Variants in SAMMSON observed in about 807,000 individuals in gnomAD.
The protein encoded by SAMMSON is survival associated mitochondrial melanoma specific oncogenic non-coding RNA.
At chr3:70,080,941 C>G (rs2067265724) in intron 4 of SAMMSON, among the ~76,000 whole-genome samples, 1 of 152,110 alleles carries the variant, frequency 6.6e-6, no homozygotes, top group South Asian at 2.1e-4. Context: ...CCATGTGCAG[C>G]CCAGGGAGGT....
At chr3:70,287,750 T>A (rs1702181663) in intron 6 of SAMMSON, among the ~76,000 whole-genome samples, 1 of 151,792 alleles carries the variant, frequency 6.6e-6, no homozygotes, top group Non-Finnish European at 1.5e-5. Context: ...GTTATTGGTC[T>A]ATTCAGAGAT....
At chr3:70,269,251 C>A (rs1191069645) in intron 6 of SAMMSON, among the ~76,000 whole-genome samples, 3 of 152,086 alleles carry the variant, frequency 2.0e-5, no homozygotes, top group Non-Finnish European at 2.9e-5. Flanking sequence ...CATAAAAGAA[C>A]CAATAAATTC....
intron 4 of SAMMSON, chr3:70,204,539 AG>A (rs1701272558): frequency 1.3e-5 from 2 of 152,186 alleles, no homozygotes; most frequent in African/African-American, 4.8e-5. Context: ...GAAAAGGACA[AG>A]TGGACTATCA....
At chr3:70,052,562 G>A (rs553401395) in intron 3 of SAMMSON, among the ~76,000 whole-genome samples, 12 of 152,168 alleles carry the variant, frequency 7.9e-5, no homozygotes, top group African/African-American at 1.9e-4. Flanking sequence ...TGAGATTTGG[G>A]GAATGCCATT....
chr3:70,214,704 T>A (rs758580419), intron 4 of SAMMSON, among the ~76,000 whole-genome samples: 1 of 151,978 alleles, frequency 6.6e-6, no homozygotes, highest in Non-Finnish European at 1.5e-5. Flanking sequence ...CTAAGTGATG[T>A]ACTTTTATAG....
At chr3:70,139,631 CG>C (rs2067519466) in intron 4 of SAMMSON, among the ~76,000 whole-genome samples, 1 of 152,064 alleles carries the variant, frequency 6.6e-6, no homozygotes, top group Non-Finnish European at 1.5e-5. Context: ...TTGAGGAGTA[CG>C]GTTATGGAGT....
chr3:70,200,443 T>C (rs959251624), intron 4 of SAMMSON, among the ~76,000 whole-genome samples: 1 of 152,198 alleles, frequency 6.6e-6, no homozygotes, highest in Non-Finnish European at 1.5e-5. Context: ...TTGCAGTATT[T>C]GGAATGCACA....
intron 4 of SAMMSON, among the ~76,000 whole-genome samples, chr3:70,160,109 TAATG>T (rs2067608923): frequency 2.0e-5 from 3 of 152,094 alleles, no homozygotes. Context: ...TTTGTTTTCT[TAATG>T]AAGTCTACTG....
At chr3:70,219,709 A>G (rs17787105) in intron 4 of SAMMSON, among the ~76,000 whole-genome samples, 19,264 of 152,206 alleles carry the variant, frequency 0.13, 1,549 homozygotes, top group Non-Finnish European at 0.19. Flanking sequence ...TAAAATACAG[A>G]ATTGACACTG....
chr3:70,387,072 G>C (rs1343666380), intron 9 of SAMMSON, among the ~76,000 whole-genome samples: 1 of 151,922 alleles, frequency 6.6e-6, no homozygotes, highest in African/African-American at 2.4e-5. Context: ...AACAAGTAGG[G>C]GGACATGGCA....
chr3:70,221,505 A>G (rs753434907), intron 4 of SAMMSON, among the ~76,000 whole-genome samples: 1 of 152,040 alleles, frequency 6.6e-6, no homozygotes. Flanking sequence ...TGATATATGC[A>G]GGAGATACAA....
intron 4 of SAMMSON, among the ~76,000 whole-genome samples, chr3:70,114,468 C>T (rs2067402152): frequency 1.3e-5 from 2 of 152,132 alleles, no homozygotes. Context: ...TGCAAACAGG[C>T]AATAAAACAC....
At chr3:70,359,069 C>G (rs752418162) in intron 9 of SAMMSON, among the ~76,000 whole-genome samples, 1 of 151,962 alleles carries the variant, frequency 6.6e-6, no homozygotes, top group Non-Finnish European at 1.5e-5. Context: ...CACTCACACA[C>G]ACATACTCTG....
chr3:70,104,634 A>G (rs1230804960), intron 4 of SAMMSON, among the ~76,000 whole-genome samples: 1 of 152,176 alleles, frequency 6.6e-6, no homozygotes, highest in Non-Finnish European at 1.5e-5. Flanking sequence ...CCAGGAGCTT[A>G]AAACTATTTT....
intron 4 of SAMMSON, among the ~76,000 whole-genome samples, chr3:70,129,535 A>T (rs1347578106): frequency 6.6e-6 from 1 of 152,180 alleles, no homozygotes; most frequent in African/African-American, 2.4e-5. Flanking sequence ...AATAAGAGTA[A>T]TGAGGCCTAC....
chr3:70,150,839 T>C (rs190667017), intron 4 of SAMMSON, among the ~76,000 whole-genome samples: 2 of 152,088 alleles, frequency 1.3e-5, no homozygotes, highest in East Asian at 1.9e-4. Context: ...GGGAAAACAA[T>C]TGGCTAGCTG....
chr3:70,377,736 A>G (rs2106749803), intron 9 of SAMMSON, among the ~76,000 whole-genome samples: 1 of 152,220 alleles, frequency 6.6e-6, no homozygotes, highest in African/African-American at 2.4e-5. Context: ...TATGGCAGAA[A>G]AAGAATACTA....
intron 4 of SAMMSON, among the ~76,000 whole-genome samples, chr3:70,173,075 T>C (rs1700975158): frequency 6.6e-6 from 1 of 151,920 alleles, no homozygotes; most frequent in South Asian, 2.1e-4. Flanking sequence ...GGAGGACATG[T>C]AAATTATTGC....
chr3:70,271,338 G>C (rs1659565704), intron 6 of SAMMSON, among the ~76,000 whole-genome samples: 1 of 152,148 alleles, frequency 6.6e-6, no homozygotes, highest in African/African-American at 2.4e-5. Context: ...CAAATAAACT[G>C]TGTTGTGGCT....
Sources: allele counts gnomAD v4.1 joint callset (sites outside exome capture counted in the v4.1 genomes callset), GRCh38; gene constraint gnomAD v4.1.1; transcripts MANE v1.5; gene names NCBI Gene and HGNC (gene_info 2026-07-23, HGNC 2026-07-21).